NGEF: variants seen among roughly 807,000 people sequenced by gnomAD.
NGEF encodes the protein neuronal guanine nucleotide exchange factor.
NGEF carries 31 observed loss-of-function variants against 80.9 expected under a neutral mutation model. The observed-to-expected ratio is 0.38, with a 90% confidence interval of 0.29 to 0.52. The LOEUF is 0.52. Among genes scored for constraint, NGEF ranks in the 20% least tolerant of loss-of-function variants. The pLI, the probability that NGEF is intolerant of heterozygous loss-of-function variation, is 0.84. For synonymous variants in NGEF, 371 were observed against 370.2 expected (o/e 1.00, Z -0.03); for missense variants, 709 against 926.2 (o/e 0.77, Z 3.04).
chr2:232,879,436 C>CCG lies in NGEF; in HGVS notation c.*52_*53insCG. On this transcript the variant is annotated 3_prime_UTR_variant, in exon 15 of 15. Transcript: ENST00000264051. Reference sequence around the variant, plus strand: ...CTTCCCAGAGCCCCCCCCCCCCCACCTTCTGTCGGGGTCTCATGCAGGCCC... The same window carrying CCG: ...CTTCCCAGAGCCCCCCCCCCCCCACCCGTTCTGTCGGGGTCTCATGCAGGCCC... 2.7e-6 allele frequency: 4 copies of CCG among 1,459,996 alleles called. No individual in the cohort carries two copies. Among genetic ancestry groups the CCG allele is most frequent in the Non-Finnish European group, 3.7e-6 (4 of 1,070,180 alleles). 90.4% of individuals were successfully genotyped at this position (1,459,996 alleles called of 1,614,324 possible). A position where few individuals can be genotyped will look rare whatever the true frequency, so the allele number is the denominator to read the frequency against.
chr2:232,906,800 A>G (rs1006073726), intron 5 of NGEF, among the ~76,000 whole-genome samples: 8 of 151,848 alleles, frequency 5.3e-5, no homozygotes, highest in South Asian at 2.1e-4. Flanking sequence ...TGTAGAAAGT[A>G]GTAGACATGG....
chr2:232,925,018 T>C (rs1454398492), intron 4 of NGEF, among the ~76,000 whole-genome samples: 1 of 152,238 alleles, frequency 6.6e-6, no homozygotes, highest in Non-Finnish European at 1.5e-5. Context: ...TATTAACATA[T>C]TAAATTTCTG....
chr2:232,974,472 G>T, intron 2 of NGEF, 151 bp downstream of exon 2: 1 of 952,268 alleles, frequency 1.1e-6, no homozygotes. Flanking sequence ...GGGTTCTTTA[G>T]ATAATGGTTT....
rs913658591 is a variant in NGEF, at chr2:232,945,482, C to T, written c.384-18296G>A. On this transcript the variant is annotated intron_variant, in intron 3 of 14. Coordinates refer to ENST00000264051, the MANE Select transcript of NGEF (RefSeq NM_019850.3). The stretch of plus-strand genomic sequence containing the variant: ...GGAAATTTGGATACACAGACACAGA[C>T]ACAGACACAGACACAGACACAGAGA... Among the ~76,000 whole-genome samples, 3 of 151,968 alleles carry T rather than the reference C, an allele frequency of 2.0e-5. No individual in the cohort carries two copies. The South Asian group carries it at 6.2e-4, about 32-fold the overall frequency.
intron 1 of NGEF, among the ~76,000 whole-genome samples, chr2:233,011,493 G>C (rs912211024): frequency 6.6e-6 from 1 of 151,754 alleles, no homozygotes; most frequent in African/African-American, 2.4e-5. Context: ...GGTCTCCTCT[G>C]AGAGGCTCTG....
At chr2:233,005,659 G>A (rs1209148205) in intron 1 of NGEF, among the ~76,000 whole-genome samples, 1 of 152,172 alleles carries the variant, frequency 6.6e-6, no homozygotes, top group Non-Finnish European at 1.5e-5. Context: ...AAGCAAAGTA[G>A]TTCGGGCAGC....
intron 3 of NGEF, among the ~76,000 whole-genome samples, chr2:232,939,232 T>C (rs1019197583): frequency 1.3e-5 from 2 of 150,750 alleles, no homozygotes; most frequent in Non-Finnish European, 2.9e-5. Flanking sequence ...AACAGTCCCA[T>C]TTCCTGGCAC....
intron 1 of NGEF, among the ~76,000 whole-genome samples, chr2:232,976,803 C>T (rs905332204): frequency 2.6e-5 from 4 of 152,326 alleles, no homozygotes; most frequent in East Asian, 1.9e-4. Context: ...TTCCCCACCA[C>T]GGTCGTCTGG....
At chr2:232,882,334 C>T in intron 12 of NGEF, 69 bp from the exon 13 acceptor site, 1 of 1,389,894 alleles carries the variant, frequency 7.2e-7, no homozygotes, top group South Asian at 1.2e-5. Context: ...TGGCACGAGG[C>T]TTCCCAGCTA....
At position 232,927,210 on chromosome 2, in the gene NGEF, G is replaced by T. The variant is rs758851674; in HGVS notation, c.384-24C>A. 6.5e-6 allele frequency: 10 copies of T among 1,536,914 alleles called. No individual in the cohort carries two copies. In the African/African-American group the frequency reaches 9.7e-5, roughly 15 times the overall value. On this transcript the variant is annotated intron_variant, in intron 3 of 14. Coordinates refer to ENST00000264051, the MANE Select transcript of NGEF (RefSeq NM_019850.3). Reference sequence around the variant, plus strand: ...CACTGCCAGAGAGGGAGGAGGACAGGGGCTGGTTATTTTTAAGCAAGGATT... The same window carrying T: ...CACTGCCAGAGAGGGAGGAGGACAGTGGCTGGTTATTTTTAAGCAAGGATT...
intron 3 of NGEF, among the ~76,000 whole-genome samples, chr2:232,955,786 TGGGATTATAGGCGTGAGCCACCAAGCA>T (rs746439961): frequency 6.6e-6 from 1 of 152,216 alleles, no homozygotes; most frequent in African/African-American, 2.4e-5. Context: ...CCCACAGTGC[TGGGATTATAGGCGTGAGCCACCAAGCA>T]GGACCTTTGC....
At chr2:232,914,584 T>G (rs755497982) in intron 5 of NGEF, among the ~76,000 whole-genome samples, 20 of 152,124 alleles carry the variant, frequency 1.3e-4, no homozygotes, top group Non-Finnish European at 2.5e-4. Context: ...ACACCTGTAG[T>G]CTCAGCCACT....
intron 5 of NGEF, among the ~76,000 whole-genome samples, chr2:232,907,057 C>T (rs1008196878): frequency 3.3e-5 from 5 of 151,396 alleles, no homozygotes; most frequent in Admixed American, 1.3e-4. Context: ...CTAGGAAAAC[C>T]GGAGACCTTT....
intron 1 of NGEF, among the ~76,000 whole-genome samples, chr2:233,000,223 G>A (rs1694941152): frequency 6.6e-6 from 1 of 152,190 alleles, no homozygotes; most frequent in African/African-American, 2.4e-5. Context: ...AGTCTCCTGA[G>A]TAGCTGGGAC....
At chr2:232,917,426 C>G (rs1264170332) in intron 5 of NGEF, among the ~76,000 whole-genome samples, 1 of 151,426 alleles carries the variant, frequency 6.6e-6, no homozygotes, top group Admixed American at 6.6e-5. Flanking sequence ...TTTTTTTAAA[C>G]AATGAAAGTG....
chr2:232,904,311 C>T (rs1205937470), intron 5 of NGEF, among the ~76,000 whole-genome samples: 2 of 152,280 alleles, frequency 1.3e-5, no homozygotes, highest in African/African-American at 4.8e-5. Flanking sequence ...CTTTCTCTAG[C>T]TCTGCCTCCT....
intron 5 of NGEF, chr2:232,901,577 G>A (rs1281148414): frequency 3.3e-6 from 1 of 303,724 alleles, no homozygotes; most frequent in East Asian, 1.7e-4. Flanking sequence ...GGACTGAAGG[G>A]CGGGCTCACT....
intron 3 of NGEF, among the ~76,000 whole-genome samples, chr2:232,965,621 C>A (rs1053584493): frequency 6.6e-6 from 1 of 152,170 alleles, no homozygotes; most frequent in Non-Finnish European, 1.5e-5. Context: ...AGGAGAAATG[C>A]ATATTTTGGA....
chr2:232,932,651 A>G (rs1234160108), intron 3 of NGEF, among the ~76,000 whole-genome samples: 1 of 152,142 alleles, frequency 6.6e-6, no homozygotes, highest in African/African-American at 2.4e-5. Context: ...TATAAACAAC[A>G]GAAATTTATT....
Sources: allele counts gnomAD v4.1 joint callset (sites outside exome capture counted in the v4.1 genomes callset), GRCh38; gene constraint gnomAD v4.1.1; transcripts MANE v1.5; gene names NCBI Gene and HGNC (gene_info 2026-07-23, HGNC 2026-07-21).